The following NRXN1 variants were observed in gnomAD, a reference collection of about 807,000 sequenced individuals.
The protein encoded by NRXN1 is neurexin 1.
In NRXN1, 39 loss-of-function variants were observed where a neutral mutation model predicts 150.9. The ratio of observed to expected loss-of-function variants is 0.26; its 90% CI spans 0.20 to 0.34. The LOEUF (loss-of-function observed/expected upper bound fraction) is 0.34. NRXN1 is among the 10% of genes least tolerant of loss of function. The probability of loss-of-function intolerance (pLI) is 1.00; values close to 1 mark genes in which losing one functional copy is unlikely to be tolerated. For missense variants in NRXN1, 1,815 were observed against 1,949.9 expected (o/e 0.93, Z 1.30); for synonymous variants, 924 against 757.0 (o/e 1.22, Z -3.62).
intron 21 of NRXN1, among the ~76,000 whole-genome samples, chr2:50,050,312 T>G (rs1692510245): frequency 6.6e-6 from 1 of 152,076 alleles, no homozygotes. Flanking sequence ...GCAGGATGGC[T>G]GAACAAACCT....
intron 15 of NRXN1, 115 bp from the exon 16 acceptor site, chr2:50,472,586 A>AC: frequency 2.7e-6 from 2 of 735,814 alleles, no homozygotes; most frequent in African/African-American, 1.9e-5. Flanking sequence ...TAAAAAATTA[A>AC]TTTATGACTA....
chr2:50,783,206 C>T (rs1704596520), intron 5 of NRXN1, among the ~76,000 whole-genome samples: 1 of 152,096 alleles, frequency 6.6e-6, no homozygotes, highest in South Asian at 2.1e-4. Context: ...ATCAGCTGAA[C>T]TTGAATTCCA....
intron 18 of NRXN1, among the ~76,000 whole-genome samples, chr2:50,230,433 T>C (rs575154602): frequency 8.5e-5 from 13 of 152,158 alleles, no homozygotes; most frequent in Middle Eastern, 3.4e-3. Flanking sequence ...CCATATATAA[T>C]TGCAGCGGCA....
At chr2:50,866,697 GATTAT>G (rs1676985447) in intron 5 of NRXN1, among the ~76,000 whole-genome samples, 1 of 151,906 alleles carries the variant, frequency 6.6e-6, no homozygotes, top group East Asian at 1.9e-4. Flanking sequence ...ACAACGGAAT[GATTAT>G]ATTATAAAAA....
intron 9 of NRXN1, among the ~76,000 whole-genome samples, chr2:50,539,816 A>G (rs2093349463): frequency 6.6e-6 from 1 of 152,200 alleles, no homozygotes; most frequent in South Asian, 2.1e-4. Context: ...GAAGAGACAC[A>G]AGAGAGACCT....
chr2:50,999,318 A>G (rs1022332488), intron 2 of NRXN1, among the ~76,000 whole-genome samples: 3 of 152,082 alleles, frequency 2.0e-5, no homozygotes, highest in Admixed American at 6.6e-5. Context: ...TACAAGGTGG[A>G]TACTCCACAG....
At chr2:50,595,662 A>T (rs1481180596) in intron 8 of NRXN1, among the ~76,000 whole-genome samples, 1 of 152,194 alleles carries the variant, frequency 6.6e-6, no homozygotes, top group Non-Finnish European at 1.5e-5. Flanking sequence ...GATTCCAGGA[A>T]GATTGGAAGG....
rs540178510 is a variant in NRXN1 at position 49,933,441 on chromosome 2, C to T, written c.4216+10263G>A. On this transcript the variant is annotated intron_variant, in intron 22 of 22. Transcript: ENST00000401669. ...TTCTAGCCCTTCCAGCCACATTCCTCTTCACCTGCTGCCAACTCTCTGTCC... is the reference window on the plus strand; with the variant it reads ...TTCTAGCCCTTCCAGCCACATTCCTTTTCACCTGCTGCCAACTCTCTGTCC... Among the ~76,000 whole-genome samples the T allele has an allele frequency of 3.9e-5, 6 of 152,216 alleles. No homozygotes were observed. The South Asian group carries it at 1.2e-3, about 32-fold the overall frequency.
intron 18 of NRXN1, among the ~76,000 whole-genome samples, chr2:50,166,325 T>TTGTG (rs1290023211): frequency 1.4e-5 from 1 of 73,254 alleles, no homozygotes; most frequent in African/African-American, 5.8e-5. Flanking sequence ...GTGTGTGTGT[T>TTGTG]TGTGTGTGTG....
chr2:50,936,298 T>A (rs564476159), intron 2 of NRXN1, among the ~76,000 whole-genome samples: 50 of 152,124 alleles, frequency 3.3e-4, no homozygotes, highest in Non-Finnish European at 6.2e-4. Flanking sequence ...CACAACATAA[T>A]GAGATGCTTA....
chr2:50,051,414 T>C (rs559527551), intron 21 of NRXN1, among the ~76,000 whole-genome samples: 23 of 152,192 alleles, frequency 1.5e-4, no homozygotes, highest in South Asian at 1.0e-3. Flanking sequence ...TTTCAAATTA[T>C]ATTCATAAAA....
chr2:50,449,206 A>G (rs1369849558), intron 17 of NRXN1, among the ~76,000 whole-genome samples: 2 of 152,236 alleles, frequency 1.3e-5, no homozygotes, highest in Non-Finnish European at 2.9e-5. Context: ...TTGCCTTGGC[A>G]TGCATTTAGC....
At chr2:50,087,735 G>C (rs1484221348) in intron 19 of NRXN1, among the ~76,000 whole-genome samples, 1 of 152,106 alleles carries the variant, frequency 6.6e-6, no homozygotes, top group Non-Finnish European at 1.5e-5. Flanking sequence ...AATGTAAACT[G>C]TTGAGTTACA....
chr2:50,016,975 A>C (rs1686743810), intron 21 of NRXN1, among the ~76,000 whole-genome samples: 1 of 152,150 alleles, frequency 6.6e-6, no homozygotes, highest in African/African-American at 2.4e-5. Context: ...GAGTCTGACA[A>C]AGCCCATCCA....
chr2:50,389,200 A>G (rs1307087865), intron 17 of NRXN1, among the ~76,000 whole-genome samples: 2 of 151,222 alleles, frequency 1.3e-5, no homozygotes, highest in Non-Finnish European at 2.9e-5. Flanking sequence ...ATAAAAAGTA[A>G]ATATGTGTGC....
intron 5 of NRXN1, among the ~76,000 whole-genome samples, chr2:50,691,274 C>T (rs995580841): frequency 1.3e-5 from 2 of 152,082 alleles, no homozygotes; most frequent in Non-Finnish European, 2.9e-5. Context: ...ATCTCAGGAA[C>T]ATAGAACTGG....
intron 5 of NRXN1, among the ~76,000 whole-genome samples, chr2:50,760,177 A>G (rs1264826050): frequency 6.6e-6 from 1 of 151,900 alleles, no homozygotes; most frequent in East Asian, 1.9e-4. Flanking sequence ...TTGGTACTCA[A>G]TATTCCACTG....
intron 12 of NRXN1, among the ~76,000 whole-genome samples, chr2:50,511,139 C>G (rs1175715809): frequency 6.6e-6 from 1 of 151,990 alleles, no homozygotes; most frequent in African/African-American, 2.4e-5. Context: ...CGGCTCACTG[C>G]AACCTCTGCC....
At chr2:50,127,604 A>G (rs17039905) in intron 18 of NRXN1, among the ~76,000 whole-genome samples, 26,220 of 152,106 alleles carry the variant, frequency 0.17, 2,752 homozygotes, top group East Asian at 0.37. Context: ...CTTCTTTACT[A>G]GGTGCCTTAC....
Sources: gnomAD v4.1 joint callset for allele counts (sites outside exome capture counted in the v4.1 genomes callset) on GRCh38, gnomAD v4.1.1 for gene constraint, MANE v1.5 for transcripts, NCBI Gene and HGNC (gene_info 2026-07-23, HGNC 2026-07-21) for gene names.